The following CTIF variants were observed in gnomAD, a reference collection of about 807,000 sequenced individuals.
The protein encoded by CTIF is CBP80/20-dependent translation initiation factor.
Under a neutral mutation model 66.0 loss-of-function variants are expected in CTIF, and 21 were observed. The ratio of observed to expected loss-of-function variants is 0.32; its 90% CI spans 0.23 to 0.46. The LOEUF is 0.46. Among genes scored for constraint, CTIF ranks in the 20% least tolerant of loss-of-function variants. The pLI, the probability that CTIF is intolerant of heterozygous loss-of-function variation, is 1.00. For missense variants in CTIF, 739 were observed against 812.7 expected (o/e 0.91, Z 1.10); for synonymous variants, 345 against 326.4 (o/e 1.06, Z -0.62).
intron 6 of CTIF, among the ~76,000 whole-genome samples, chr18:48,689,348 G>A (rs765151509): frequency 1.3e-5 from 2 of 152,172 alleles, no homozygotes; most frequent in Non-Finnish European, 2.9e-5. Flanking sequence ...CAGAGTGGCC[G>A]AGTCACCTCC....
Position 48,761,699 on chromosome 18 carries a change from C to A in CTIF, c.1371+10C>A. 6.2e-7 allele frequency: 1 copy of A among 1,600,492 alleles called. No individual in the cohort carries two copies. Among genetic ancestry groups the A allele is most frequent in the Non-Finnish European group, 8.5e-7 (1 of 1,170,126 alleles). On this transcript the variant is annotated intron_variant, in intron 9 of 11. Coordinates refer to ENST00000256413, the MANE Select transcript of CTIF (RefSeq NM_014772.3). This position sits in a 1 kb window ranked among gnomAD's most constrained non-coding sequence, Gnocchi z 4.2. Reference sequence around the variant, plus strand: ...CCTCAACATGCTGCAGGTAACTGGACGCCGGCCACCACCGCCCCGCGCCCC... The same window carrying A: ...CCTCAACATGCTGCAGGTAACTGGAAGCCGGCCACCACCGCCCCGCGCCCC...
chr18:48,843,525 C>T (rs2068997763), intron 10 of CTIF, among the ~76,000 whole-genome samples: 1 of 152,140 alleles, frequency 6.6e-6, no homozygotes, highest in Admixed American at 6.5e-5. Context: ...CTACCCAGCC[C>T]CTAGATGGCC....
intron 1 of CTIF, among the ~76,000 whole-genome samples, chr18:48,547,572 C>T (rs2088781655): frequency 6.6e-6 from 1 of 152,212 alleles, no homozygotes. Flanking sequence ...AGCGCCTTCC[C>T]TTATGTTATA....
chr18:48,722,760 A>C (rs1342276851), intron 7 of CTIF, among the ~76,000 whole-genome samples: 2 of 139,960 alleles, frequency 1.4e-5, no homozygotes, highest in Non-Finnish European at 3.1e-5. Flanking sequence ...GTGTAAGCAC[A>C]CGGCTGTGCC....
At chr18:48,547,864 C>T (rs190892478) in intron 1 of CTIF, among the ~76,000 whole-genome samples, 2 of 152,116 alleles carry the variant, frequency 1.3e-5, no homozygotes, top group Admixed American at 6.5e-5. Context: ...AGCTTTGGCT[C>T]GGTGCTTTTC....
At chr18:48,687,347 CACA>C (rs1207589950) in intron 6 of CTIF, among the ~76,000 whole-genome samples, 1 of 150,886 alleles carries the variant, frequency 6.6e-6, no homozygotes, top group Admixed American at 6.6e-5. Flanking sequence ...CACACACACA[CACA>C]CCAAGCTTAC....
intron 10 of CTIF, among the ~76,000 whole-genome samples, chr18:48,838,229 C>A (rs928053647): frequency 6.6e-6 from 1 of 152,204 alleles, no homozygotes; most frequent in South Asian, 2.1e-4. Flanking sequence ...CCCAACACCC[C>A]GGCACATCAA....
At chr18:48,806,793 T>G (rs1204609219) in intron 9 of CTIF, among the ~76,000 whole-genome samples, 1 of 152,226 alleles carries the variant, frequency 6.6e-6, no homozygotes, top group Non-Finnish European at 1.5e-5. Flanking sequence ...TTTCCCAGAA[T>G]GCCTTGAGAA....
chr18:48,848,069 A>G (rs1014920793), intron 10 of CTIF, among the ~76,000 whole-genome samples: 2 of 152,168 alleles, frequency 1.3e-5, no homozygotes, highest in Admixed American at 6.5e-5. Flanking sequence ...CAACCATCCT[A>G]GAGCCCTGCA....
At chr18:48,600,160 G>C (rs1201219214) in intron 1 of CTIF, among the ~76,000 whole-genome samples, 1 of 152,052 alleles carries the variant, frequency 6.6e-6, no homozygotes, top group Non-Finnish European at 1.5e-5. Flanking sequence ...CCCAACCCCC[G>C]AGGCATGCAA....
intron 9 of CTIF, among the ~76,000 whole-genome samples, chr18:48,803,390 T>C (rs1599075841): frequency 6.6e-6 from 1 of 152,264 alleles, no homozygotes; most frequent in Non-Finnish European, 1.5e-5. Flanking sequence ...TTGATTTTCA[T>C]GTCCATTGAT....
chr18:48,651,002 C>G lies in CTIF; in HGVS notation c.253-12750C>G, dbSNP rs375757414. Among the ~76,000 whole-genome samples, 136 of 152,254 alleles carry G rather than the reference C, an allele frequency of 8.9e-4. 1 individual carries two copies. The South Asian group carries it at 0.027, about 30-fold the overall frequency. ...AGGAGCTCCTGAAGGAAGCACTAAACGTGGAAAGGAACACCCAGTACCAGC... is the reference window on the plus strand; with the variant it reads ...AGGAGCTCCTGAAGGAAGCACTAAAGGTGGAAAGGAACACCCAGTACCAGC... On this transcript the variant is annotated intron_variant, in intron 3 of 11. Transcript: ENST00000256413.
Position 48,709,480 on chromosome 18 carries a change from G to C in CTIF, c.508-2139G>C, listed in dbSNP as rs2092199324. Among the ~76,000 whole-genome samples, 5 of 152,256 alleles carry C rather than the reference G, an allele frequency of 3.3e-5. No homozygotes were observed. In the South Asian group the frequency reaches 1.0e-3, roughly 31 times the overall value. On this transcript the variant is annotated intron_variant, in intron 6 of 11. Transcript: ENST00000256413. ...CCCAGGGCTGGAGGCCCACACCGAG[G>C]AGGCTGGCACCCCCTGGGCTCGTGT...
chr18:48,626,116 G>A (rs968928161), intron 2 of CTIF, among the ~76,000 whole-genome samples: 2 of 145,008 alleles, frequency 1.4e-5, no homozygotes, highest in African/African-American at 5.1e-5. Flanking sequence ...CAACTCTCCT[G>A]TCAGCCTCCC....
chr18:48,630,737 G>A (rs148461472), intron 2 of CTIF, among the ~76,000 whole-genome samples: 229 of 151,448 alleles, frequency 1.5e-3, no homozygotes, highest in African/African-American at 2.0e-3. Flanking sequence ...GTGCGGTGGC[G>A]CGATCTCTGC....
At chr18:48,750,637 G>A (rs980520312) in intron 7 of CTIF, among the ~76,000 whole-genome samples, 4 of 152,324 alleles carry the variant, frequency 2.6e-5, no homozygotes, top group South Asian at 4.1e-4. Flanking sequence ...TGGTTTTCCC[G>A]AGACGCAGTG....
intron 1 of CTIF, among the ~76,000 whole-genome samples, chr18:48,619,165 G>A (rs1012184588): frequency 6.6e-6 from 1 of 152,224 alleles, no homozygotes; most frequent in African/African-American, 2.4e-5. Context: ...ATCCTGCTTT[G>A]TGGTAGATTC....
At chr18:48,756,716 G>A (rs759340543) in intron 7 of CTIF, among the ~76,000 whole-genome samples, 2 of 152,166 alleles carry the variant, frequency 1.3e-5, no homozygotes, top group Non-Finnish European at 2.9e-5. Context: ...GCTTTCAGTG[G>A]CAGGAAGCAG....
intron 6 of CTIF, among the ~76,000 whole-genome samples, chr18:48,696,033 GT>G (rs2145324858): frequency 6.6e-6 from 1 of 152,374 alleles, no homozygotes; most frequent in East Asian, 1.9e-4. Flanking sequence ...CAGCCAAGGA[GT>G]GTCACAGATC....
Sources: allele counts gnomAD v4.1 joint callset (sites outside exome capture counted in the v4.1 genomes callset), GRCh38; gene constraint gnomAD v4.1.1; non-coding constraint Gnocchi (gnomAD v3.1); transcripts MANE v1.5; gene names NCBI Gene and HGNC (gene_info 2026-07-23, HGNC 2026-07-21).